The following TMEFF1 variants were observed in gnomAD, a reference collection of about 807,000 sequenced individuals.
TMEFF1 encodes transmembrane protein with EGF like and two follistatin like domains 1, also known as tomoregulin-1.
TMEFF1 carries 20 observed loss-of-function variants against 47.5 expected under a neutral mutation model. That is an observed-to-expected ratio of 0.42 (90% CI 0.30 to 0.61). TMEFF1 has a LOEUF of 0.61. TMEFF1 is among the 20% of genes least tolerant of loss of function. TMEFF1 has a pLI of 0.19. For synonymous variants in TMEFF1, 162 were observed against 166.3 expected (o/e 0.97, Z 0.20); for missense variants, 411 against 471.1 (o/e 0.87, Z 1.18).
chr9:100,539,321 T>C (rs1441898723), intron 5 of TMEFF1, among the ~76,000 whole-genome samples: 1 of 152,342 alleles, frequency 6.6e-6, no homozygotes, highest in East Asian at 1.9e-4. Flanking sequence ...TAAGCTTTCC[T>C]ACTGTGTCCG....
At chr9:100,478,506 G>A (rs1005271355) in intron 1 of TMEFF1, among the ~76,000 whole-genome samples, 7 of 150,552 alleles carry the variant, frequency 4.6e-5, no homozygotes, top group African/African-American at 1.8e-4. Context: ...GTAGAGACAG[G>A]GCTTCGCCAT....
At chr9:100,563,469 G>A (rs1161368964) in intron 8 of TMEFF1, among the ~76,000 whole-genome samples, 3 of 152,218 alleles carry the variant, frequency 2.0e-5, no homozygotes, top group Non-Finnish European at 4.4e-5. Context: ...GGATTGAATC[G>A]TGTACAGGTT....
intron 1 of TMEFF1, among the ~76,000 whole-genome samples, chr9:100,478,207 T>G (rs1837270882): frequency 6.6e-6 from 1 of 152,222 alleles, no homozygotes; most frequent in African/African-American, 2.4e-5. Context: ...AGATCATGCT[T>G]CTTGATGAAG....
intron 5 of TMEFF1, among the ~76,000 whole-genome samples, chr9:100,518,920 G>A (rs1443978880): frequency 6.6e-6 from 1 of 152,028 alleles, no homozygotes; most frequent in African/African-American, 2.4e-5. Flanking sequence ...AAAATGGAAA[G>A]CTGCAGAAAT....
chr9:100,554,016 C>T (rs138580873), intron 7 of TMEFF1, among the ~76,000 whole-genome samples: 76 of 152,236 alleles, frequency 5.0e-4, no homozygotes, highest in African/African-American at 1.6e-3. Flanking sequence ...CTCATACAGC[C>T]TATAATCTAA....
intron 4 of TMEFF1, among the ~76,000 whole-genome samples, chr9:100,516,081 T>C (rs1258980667): frequency 6.6e-6 from 1 of 152,180 alleles, no homozygotes; most frequent in African/African-American, 2.4e-5. Flanking sequence ...CTTTTGTATC[T>C]GCATATTTTT....
chr9:100,572,121 A>G (rs534545562), intron 8 of TMEFF1, among the ~76,000 whole-genome samples: 90 of 152,260 alleles, frequency 5.9e-4, no homozygotes, highest in African/African-American at 2.0e-3. Context: ...CCTGTTGTAC[A>G]TGATAAATAT....
At chr9:100,527,993 C>T (rs1838299530) in intron 5 of TMEFF1, among the ~76,000 whole-genome samples, 1 of 152,128 alleles carries the variant, frequency 6.6e-6, no homozygotes, top group Non-Finnish European at 1.5e-5. Context: ...TGACACCTCA[C>T]ACGGCAGGGT....
chr9:100,569,244 G>A (rs1177466015), intron 8 of TMEFF1, among the ~76,000 whole-genome samples: 1 of 152,112 alleles, frequency 6.6e-6, no homozygotes, highest in Non-Finnish European at 1.5e-5. Flanking sequence ...GGCTATCGTA[G>A]TAACTGTAAA....
chr9:100,542,960 C>T (rs1014264877), intron 5 of TMEFF1, among the ~76,000 whole-genome samples: 3 of 131,450 alleles, frequency 2.3e-5, no homozygotes, highest in Non-Finnish European at 4.7e-5. Context: ...CAGCATTTCA[C>T]TCTTGTTGCC....
intron 5 of TMEFF1, among the ~76,000 whole-genome samples, 167 bp from the exon 6 acceptor site, chr9:100,547,577 T>G (rs1235367043): frequency 6.6e-6 from 1 of 152,230 alleles, no homozygotes; most frequent in Non-Finnish European, 1.5e-5. Flanking sequence ...AATCCTCACC[T>G]AAAATTTTTT....
chr9:100,575,561 C>A (rs1839337162), intron 9 of TMEFF1, among the ~76,000 whole-genome samples: 1 of 152,126 alleles, frequency 6.6e-6, no homozygotes, highest in African/African-American at 2.4e-5. Flanking sequence ...AAACCATATA[C>A]AAAATGGAAG....
chr9:100,491,266 G>A (rs1019444570), intron 1 of TMEFF1, among the ~76,000 whole-genome samples: 1 of 152,146 alleles, frequency 6.6e-6, no homozygotes, highest in Admixed American at 6.5e-5. Flanking sequence ...AACTGGCCTT[G>A]TTCTGGGAGT....
chr9:100,479,293 C>T (rs1337737728), intron 1 of TMEFF1, among the ~76,000 whole-genome samples: 1 of 152,122 alleles, frequency 6.6e-6, no homozygotes, highest in East Asian at 1.9e-4. Flanking sequence ...AGGTGGTTAG[C>T]CTCTTACAGA....
At chr9:100,570,919 A>G (rs1291466887) in intron 8 of TMEFF1, among the ~76,000 whole-genome samples, 4 of 152,176 alleles carry the variant, frequency 2.6e-5, no homozygotes, top group African/African-American at 7.2e-5. Flanking sequence ...TGGCTAATTT[A>G]TACATTTCAC....
chr9:100,537,668 T>C (rs774730537), intron 5 of TMEFF1, among the ~76,000 whole-genome samples: 18 of 152,212 alleles, frequency 1.2e-4, no homozygotes, highest in Admixed American at 4.6e-4. Context: ...CTTTTCAGCA[T>C]GGCATTCTTT....
At chr9:100,476,660 T>C (rs367949485) in intron 1 of TMEFF1, among the ~76,000 whole-genome samples, 203 of 150,636 alleles carry the variant, frequency 1.3e-3, no homozygotes, top group African/African-American at 4.7e-3. Flanking sequence ...CCCAAAGTGT[T>C]GAGATTACAG....
intron 2 of TMEFF1, among the ~76,000 whole-genome samples, chr9:100,506,085 T>C (rs60526724): frequency 0.013 from 1,913 of 152,350 alleles, 37 homozygotes; most frequent in African/African-American, 0.043. Flanking sequence ...TGATACTGAA[T>C]GTATAACAAA....
At chr9:100,494,548 C>G (rs1837617284) in intron 1 of TMEFF1, among the ~76,000 whole-genome samples, 2 of 152,138 alleles carry the variant, frequency 1.3e-5, no homozygotes, top group African/African-American at 2.4e-5. Context: ...CCTGGTCTTT[C>G]TGGTCTGTCA....
Sources: allele counts gnomAD v4.1 joint callset (sites outside exome capture counted in the v4.1 genomes callset), GRCh38; gene constraint gnomAD v4.1.1; transcripts MANE v1.5; gene names NCBI Gene and HGNC (gene_info 2026-07-23, HGNC 2026-07-21).